The following TBC1D24 variants were observed in gnomAD, a reference collection of about 807,000 sequenced individuals.
The protein encoded by TBC1D24 is TBC1 domain family member 24.
A neutral mutation model predicts 50.7 loss-of-function variants in TBC1D24; 47 were observed. That is an observed-to-expected ratio of 0.93 (90% confidence interval 0.73 to 1.18). The LOEUF is 1.18. TBC1D24 is among the 50% of genes most tolerant of loss of function. TBC1D24 has a pLI of 0.00. For missense variants in TBC1D24, 688 were observed against 766.5 expected, an observed-to-expected ratio of 0.90 and a Z score of 1.21; for synonymous variants, 324 against 335.2, an observed-to-expected ratio of 0.97 and a Z score of 0.36.
At chr16:2,488,808 C>T (rs2065671926) in intron 1 of TBC1D24, among the ~76,000 whole-genome samples, 1 of 144,318 alleles carries the variant, frequency 6.9e-6, no homozygotes, top group South Asian at 2.3e-4. Flanking sequence ...CGCCTGTAAT[C>T]CCAGCACTTT....
intron 1 of TBC1D24, among the ~76,000 whole-genome samples, chr16:2,488,531 A>T (rs1596960765): frequency 5.2e-5 from 5 of 96,546 alleles, no homozygotes; most frequent in Admixed American, 1.7e-4. Flanking sequence ...TGTGGGATGG[A>T]GTCTCGCTCT....
chr16:2,497,492 A>G (rs1402873917), intron 2 of TBC1D24, among the ~76,000 whole-genome samples: 1 of 152,126 alleles, frequency 6.6e-6, no homozygotes, highest in Non-Finnish European at 1.5e-5. Context: ...CCCCGCCTGG[A>G]GCACAGCCCC....
At chr16:2,497,238 G>T (rs933483803) in intron 2 of TBC1D24, 125 bp downstream of exon 2, 7 of 1,284,028 alleles carry the variant, frequency 5.5e-6, no homozygotes, top group East Asian at 4.9e-5. Flanking sequence ...AGCCATCTGT[G>T]CATGGCTGAA....
At position 2,500,849 on chromosome 16, in the gene TBC1D24, G is replaced by A. The variant is rs758997013; in HGVS notation, c.1571G>A (p.Arg524Gln). Residue 524 changes from arginine (R) to glutamine (Q), a missense_variant, in exon 8 of 8, where the codon CGG becomes CAG. Transcript: ENST00000646147. The surrounding 1 kb of genome is among the most constrained non-coding windows in gnomAD (Gnocchi z 8.0). ...CTCTACATCGATGGGGACCTGAACC[G>A]GGGCCGCACAAGCCACTGCGACACC... ...QALYIDGDLN[R>Q]GRTSHCDTFN... is the part of the protein sequence containing the mutation. The A allele has an allele frequency of 6.8e-6, 11 of 1,609,830 alleles. No individual in the cohort carries two copies. Among genetic ancestry groups the A allele is most frequent in the East Asian group, 6.7e-5 (3 of 44,888 alleles).
rs533258860 is a variant in TBC1D24, at chr16:2,475,884, T to A, written c.-116+714T>A. Among the ~76,000 whole-genome samples, 4 of 152,292 alleles carry A rather than the reference T, an allele frequency of 2.6e-5. No homozygotes were observed. The East Asian group carries it at 7.7e-4, about 29-fold the overall frequency. ...GGCCACAGGCCTTCTTTGATGGCCG[T>A]GCCCCGCAGGGAAACGCGCTGTGGC... On this transcript the variant is annotated intron_variant, in intron 1 of 7. Coordinates refer to ENST00000646147, the MANE Select transcript of TBC1D24 (RefSeq NM_001199107.2). This position sits in a 1 kb window ranked among gnomAD's most constrained non-coding sequence, Gnocchi z 4.2.
At position 2,475,299 on chromosome 16, in the gene TBC1D24, G is replaced by C. The variant is rs899866897; in HGVS notation, c.-116+129G>C. 6.6e-6 allele frequency: 1 copy of C among 150,502 alleles called. No individual in the cohort carries two copies. The highest frequency in any genetic ancestry group is 2.4e-5 in the African/African-American group (1 of 41,242). 9.3% of individuals were successfully genotyped at this position (150,502 alleles called of 1,614,324 possible). A position where few individuals can be genotyped will look rare whatever the true frequency, so the allele number is the denominator to read the frequency against. The stretch of plus-strand genomic sequence containing the variant: ...GGGGGCCGGGCTGCGGGCCCCATTC[G>C]AGGCGGGGATCCCCGGCCACGCGCG... On this transcript the variant is annotated intron_variant, in intron 1 of 7. Transcript: ENST00000646147. This position sits in a 1 kb window ranked among gnomAD's most constrained non-coding sequence, Gnocchi z 4.2.
chr16:2,476,298 C>A (rs1053377624), intron 1 of TBC1D24, among the ~76,000 whole-genome samples: 1 of 152,040 alleles, frequency 6.6e-6, no homozygotes, highest in Non-Finnish European at 1.5e-5. Context: ...TTCCTCCGCC[C>A]GAGGGCCAGG....
At chr16:2,498,903 C>T (rs895350633) in intron 4 of TBC1D24, among the ~76,000 whole-genome samples, 10 of 152,238 alleles carry the variant, frequency 6.6e-5, no homozygotes, top group Non-Finnish European at 1.0e-4. Context: ...CACCCAGCAC[C>T]GTTCACAGGT....
At position 2,497,785 on chromosome 16, in the gene TBC1D24, A is replaced by G; in HGVS notation, c.983+58A>G. On this transcript the variant is annotated intron_variant, in intron 3 of 7. Coordinates refer to ENST00000646147, the MANE Select transcript of TBC1D24 (RefSeq NM_001199107.2). ...TCTGTCTTTCCACCAGGCTGACTCT[A>G]GGCCAGCTGCTTGCTCTGGGTCTCA... is the stretch of plus-strand genomic sequence containing the variant. 3 of 1,509,558 alleles carry G rather than the reference A, an allele frequency of 2.0e-6. No individual in the cohort carries two copies. The South Asian group carries it at 3.6e-5, about 18-fold the overall frequency. The allele number at this position is 1,509,558 out of a possible 1,614,324, so 93.5% of individuals were successfully genotyped here.
rs1025528019 is a variant in TBC1D24 at position 2,486,553 on chromosome 16, C to T, written c.-115-9481C>T. ...GGCAGGATGGGGCCCAGGCCTGCAA[C>T]CCCAGCTCTTCAACCTGGAGTCCTA... On this transcript the variant is annotated intron_variant, in intron 1 of 7. Coordinates refer to ENST00000646147, the MANE Select transcript of TBC1D24 (RefSeq NM_001199107.2). The surrounding 1 kb of genome is among the most constrained non-coding windows in gnomAD (Gnocchi z 5.8). Among the ~76,000 whole-genome samples, 1 of 152,216 alleles carries T rather than the reference C, an allele frequency of 6.6e-6. No individual in the cohort carries two copies. Among genetic ancestry groups the T allele is most frequent in the African/African-American group, 2.4e-5 (1 of 41,450 alleles).
rs2141874388 is a variant in TBC1D24 at position 2,498,347 on chromosome 16, C to T, written c.1093C>T (p.Gln365Ter). Residue 365 changes from glutamine (Q) to a stop codon, truncating the protein, a stop_gained, in exon 4 of 8, where the codon CAG becomes TAG. Coordinates refer to ENST00000646147, the MANE Select transcript of TBC1D24 (RefSeq NM_001199107.2). LOFTEE classifies it high-confidence loss of function. Reference sequence around the variant, plus strand: ...GGTCCCCGAGCGCTTTGCCCTGTGCCAGCCCCTTCTGCTGTTCTCCTCCCT... The same window carrying T: ...GGTCCCCGAGCGCTTTGCCCTGTGCTAGCCCCTTCTGCTGTTCTCCTCCCT... ...SWVPERFALCQPLLLFSSLQH... is the reference protein window; with the variant it reads ...SWVPERFALC The T allele has an allele frequency of 1.2e-6, 2 of 1,610,140 alleles. No individual in the cohort carries two copies. The highest frequency in any genetic ancestry group is 1.7e-6 in the Non-Finnish European group (2 of 1,178,278).
chr16:2,497,111 G>A lies in TBC1D24; in HGVS notation c.963G>A (p.Lys321=). 6.2e-7 allele frequency: 1 copy of A among 1,601,424 alleles called. No individual in the cohort carries two copies. Among genetic ancestry groups the A allele is most frequent in the South Asian group, 1.1e-5 (1 of 91,074 alleles). The part of the protein sequence containing the change: ...LKQKGITVKQ[K]SVSLSKRQFV... The stretch of plus-strand genomic sequence containing the variant: ...AGAAGGGCATCACCGTGAAGCAGAA[G>A]AGGTAGGTCGCCGGCAGCCTGTGAG... Residue 321 remains lysine, a splice_region_variant and synonymous_variant, in exon 2 of 8, where the codon AAG becomes AAA. Transcript: ENST00000646147.
rs9937067 is a variant in TBC1D24 at position 2,504,537 on chromosome 16, G to A, written c.*3579G>A. ...GGATTCACGCCATTCTCCTGCCTCAGCCTCCTGAGTAGCTGGGACTACAGG... is the reference window on the plus strand; with the variant it reads ...GGATTCACGCCATTCTCCTGCCTCAACCTCCTGAGTAGCTGGGACTACAGG... On this transcript the variant is annotated 3_prime_UTR_variant, in exon 8 of 8. Coordinates refer to ENST00000646147, the MANE Select transcript of TBC1D24 (RefSeq NM_001199107.2). The A allele has an allele frequency of 1.3e-5, 2 of 150,048 alleles. No homozygotes were observed. Among genetic ancestry groups the A allele is most frequent in the African/African-American group, 4.9e-5 (2 of 40,674 alleles). 9.3% of individuals were successfully genotyped at this position (150,048 alleles called of 1,614,324 possible). A position where few individuals can be genotyped will look rare whatever the true frequency, so the allele number is the denominator to read the frequency against.
At chr16:2,491,480 C>T (rs576667917) in intron 1 of TBC1D24, among the ~76,000 whole-genome samples, 4 of 151,950 alleles carry the variant, frequency 2.6e-5, no homozygotes, top group Admixed American at 2.6e-4. Flanking sequence ...CCTTGACCTC[C>T]TGGGCTCTGG....
Position 2,498,413 on chromosome 16 carries a change from C to A in TBC1D24, c.1142+17C>A, listed in dbSNP as rs199499346. 619 of 1,592,908 alleles carry A rather than the reference C, an allele frequency of 3.9e-4. No individual in the cohort carries two copies. The African/African-American group carries it at 4.6e-3, about 12-fold the overall frequency. On this transcript the variant is annotated intron_variant, in intron 4 of 7. Coordinates refer to ENST00000646147, the MANE Select transcript of TBC1D24 (RefSeq NM_001199107.2). ...CCTGGCCAGGTAACACCCCAAGGGGCCAGAGCGGGCGGCAGAGCCGCCCAG... is the reference window on the plus strand; with the variant it reads ...CCTGGCCAGGTAACACCCCAAGGGGACAGAGCGGGCGGCAGAGCCGCCCAG...
chr16:2,485,724 G>A lies in TBC1D24; in HGVS notation c.-115-10310G>A, dbSNP rs1043926386. 5.3e-5 allele frequency among the ~76,000 whole-genome samples: 8 copies of A among 152,196 alleles called. No individual in the cohort carries two copies. In the East Asian group the frequency reaches 7.7e-4, roughly 15 times the overall value. On this transcript the variant is annotated intron_variant, in intron 1 of 7. Transcript: ENST00000646147. The surrounding 1 kb of genome is among the most constrained non-coding windows in gnomAD (Gnocchi z 4.6). ...GGGATTGAATTGGAGGACACCCTGC[G>A]GGCGCCCGCTGCAGAATGGATTGCT...
At chr16:2,491,648 G>A (rs1324667819) in intron 1 of TBC1D24, among the ~76,000 whole-genome samples, 8 of 151,472 alleles carry the variant, frequency 5.3e-5, no homozygotes, top group South Asian at 2.1e-4. Context: ...TCTGCCTGCC[G>A]GGTTCAAGCG....
Position 2,500,186 on chromosome 16 carries a change from C to A in TBC1D24, c.1303-82C>A. 7.4e-7 allele frequency: 1 copy of A among 1,360,258 alleles called. No homozygotes were observed. The highest frequency in any genetic ancestry group is 1.0e-6 in the Non-Finnish European group (1 of 976,106). The allele number at this position is 1,360,258 out of a possible 1,614,324, so 84.3% of individuals were successfully genotyped here. A position where few individuals can be genotyped will look rare whatever the true frequency, so the allele number is the denominator to read the frequency against. On this transcript the variant is annotated intron_variant, in intron 6 of 7. Coordinates refer to ENST00000646147, the MANE Select transcript of TBC1D24 (RefSeq NM_001199107.2). This position sits in a 1 kb window ranked among gnomAD's most constrained non-coding sequence, Gnocchi z 8.0. ...ACCTTGGGCTCTGGGTGCAGATTCA[C>A]GGGATGAAACGGGTTGTGGCTCTGG... is the stretch of plus-strand genomic sequence containing the variant.
At position 2,484,345 on chromosome 16, in the gene TBC1D24, C is replaced by G. The variant is rs539890450; in HGVS notation, c.-116+9175C>G. On this transcript the variant is annotated intron_variant, in intron 1 of 7. Transcript: ENST00000646147. ...GCCTTGTTACCCAGTTCCCCACCCC[C>G]ACTGCTTAGAGCAAGTCTTGTATTT... The G allele has an allele frequency of 2.0e-5, 3 of 152,544 alleles. No individual in the cohort carries two copies. In the East Asian group the frequency reaches 5.8e-4, roughly 29 times the overall value. The allele number at this position is 152,544 out of a possible 1,614,324, so 9.4% of individuals were successfully genotyped here. A position where few individuals can be genotyped will look rare whatever the true frequency, so the allele number is the denominator to read the frequency against.
Sources: allele counts gnomAD v4.1 joint callset (sites outside exome capture counted in the v4.1 genomes callset), GRCh38; gene constraint gnomAD v4.1.1; non-coding constraint Gnocchi (gnomAD v3.1); transcripts MANE v1.5; gene names NCBI Gene and HGNC (gene_info 2026-07-23, HGNC 2026-07-21).